The following CHRNB4 variants were observed in gnomAD, a reference collection of about 807,000 sequenced individuals.
CHRNB4 encodes neuronal acetylcholine receptor subunit beta-4.
Under a neutral mutation model 40.4 loss-of-function variants are expected in CHRNB4, and 23 were observed. The ratio of observed to expected loss-of-function variants is 0.57; its 90% CI spans 0.41 to 0.81. CHRNB4 has a LOEUF of 0.81. Ranked by LOEUF, CHRNB4 falls within the 30% of genes least tolerant of loss-of-function variation. The pLI is 0.00. For missense variants in CHRNB4, 568 were observed against 670.6 expected (o/e 0.85, Z 1.69); for synonymous variants, 285 against 274.4 (o/e 1.04, Z -0.38).
upstream of CHRNB4, chr15:78,661,086 G>A: frequency 1.7e-6 from 1 of 604,306 alleles, no homozygotes; most frequent in Non-Finnish European, 3.2e-6. Context: ...TGGCGCGCTT[G>A]AACTTCCGGC....
At chr15:78,640,704 G>A (rs1251210607) in intron 1 of CHRNB4, among the ~76,000 whole-genome samples, 2 of 152,204 alleles carry the variant, frequency 1.3e-5, no homozygotes, top group African/African-American at 2.4e-5. Flanking sequence ...AGGAGCCTCG[G>A]CCCTGTTGGG....
chr15:78,659,004 A>C (rs931108682), intron 1 of CHRNB4, among the ~76,000 whole-genome samples: 1 of 152,234 alleles, frequency 6.6e-6, no homozygotes, highest in African/African-American at 2.4e-5. Context: ...ATTCACATAC[A>C]TTAACTGAGC....
chr15:78,648,198 C>A (rs1427882151), intron 7 of CHRNB4, among the ~76,000 whole-genome samples: 2 of 151,604 alleles, frequency 1.3e-5, no homozygotes, highest in South Asian at 4.2e-4. Flanking sequence ...TCAAGACCAT[C>A]CTGGCTAACG....
intron 1 of CHRNB4, among the ~76,000 whole-genome samples, chr15:78,659,865 G>A (rs760706716): frequency 3.3e-5 from 5 of 152,312 alleles, no homozygotes; most frequent in Non-Finnish European, 7.4e-5. Context: ...AGAGTCTAGG[G>A]GTTCAATGTG....
In CHRNB4 at chr15:78,629,902, C is replaced by T. The variant is rs144048225; in HGVS notation, c.403G>A (p.Val135Ile). 56 of 1,609,690 alleles carry T rather than the reference C, an allele frequency of 3.5e-5. No homozygotes were observed. Among genetic ancestry groups the T allele is most frequent in the Non-Finnish European group, 4.6e-5 (54 of 1,179,154 alleles). Residue 135 changes from valine to isoleucine, a missense_variant, in exon 5 of 6, where the codon GTC becomes ATC. By Grantham distance (29) the Val-to-Ile change is conservative. Coordinates refer to ENST00000261751, the MANE Select transcript of CHRNB4 (RefSeq NM_000750.5). This position sits in a 1 kb window ranked among gnomAD's most constrained non-coding sequence, Gnocchi z 6.8. ...CACAGGACGCTGCCGTTGGACCGGA[C>T]TATCAAGTTGGTGTAGACAGACACC... ...YEVSVYTNLI[V>I]RSNGSVLWLP... is the part of the protein sequence containing the mutation.
At chr15:78,653,330 CCCTCCTT>C (rs1251494240) in intron 5 of CHRNB4, among the ~76,000 whole-genome samples, 4 of 152,162 alleles carry the variant, frequency 2.6e-5, no homozygotes, top group African/African-American at 9.7e-5. Context: ...ATCATCTCCT[CCCTCCTT>C]CCTGCTAATC....
chr15:78,631,952 G>A (rs888381728), intron 2 of CHRNB4, among the ~76,000 whole-genome samples: 1 of 151,926 alleles, frequency 6.6e-6, no homozygotes, highest in Admixed American at 6.6e-5. Context: ...TCAACACTCC[G>A]CCATTTGCTC....
chr15:78,661,371 C>T (rs753233216), upstream of CHRNB4: 8 of 533,528 alleles, frequency 1.5e-5, no homozygotes, highest in South Asian at 4.9e-5. Flanking sequence ...CCCAAGACCA[C>T]GGCCATTTTG....
rs774048154 is a variant in CHRNB4 at position 78,629,984 on chromosome 15, A to G, written c.360-39T>C. On this transcript the variant is annotated intron_variant, in intron 4 of 5. Coordinates refer to ENST00000261751, the MANE Select transcript of CHRNB4 (RefSeq NM_000750.5). This position sits in a 1 kb window ranked among gnomAD's most constrained non-coding sequence, Gnocchi z 6.8. The stretch of plus-strand genomic sequence containing the variant: ...GGGCATGGAGAACATCGTGAAACCC[A>G]TACACAAAACCTGGCCTGTTCTCAG... 3 of 1,512,924 alleles carry G rather than the reference A, an allele frequency of 2.0e-6. No individual in the cohort carries two copies. Among genetic ancestry groups the G allele is most frequent in the South Asian group, 1.3e-5 (1 of 75,996 alleles). 93.7% of individuals were successfully genotyped at this position (1,512,924 alleles called of 1,614,324 possible).
At chr15:78,659,327 A>C (rs2054235864) in intron 1 of CHRNB4, among the ~76,000 whole-genome samples, 1 of 152,114 alleles carries the variant, frequency 6.6e-6, no homozygotes, top group African/African-American at 2.4e-5. Context: ...CCAGCTACTC[A>C]GGAGGCTGAG....
chr15:78,638,628 CGGGGGGGT>C (rs1035134703), intron 1 of CHRNB4, among the ~76,000 whole-genome samples: 10 of 150,376 alleles, frequency 6.7e-5, no homozygotes, highest in African/African-American at 2.2e-4. Context: ...GCCGGGGGGC[CGGGGGGGT>C]GGTGCACTGA....
rs1399138813 is a variant in CHRNB4, at chr15:78,629,387, G to A, written c.918C>T (p.Val306=). Residue 306 remains valine (V), a synonymous_variant, in exon 5 of 6, where the codon GTC becomes GTT. Coordinates refer to ENST00000261751, the MANE Select transcript of CHRNB4 (RefSeq NM_000750.5). The surrounding 1 kb of genome is among the most constrained non-coding windows in gnomAD (Gnocchi z 6.8). ...GKYLMFTMVL[V]TFSIVTSVCV... The stretch of plus-strand genomic sequence containing the variant: ...AGACGCTGGTGACGATGGAGAAGGT[G>A]ACCAGCACCATGGTGAACATGAGGT... 3 of 1,614,026 alleles carry A rather than the reference G, an allele frequency of 1.9e-6. No homozygotes were observed. Among genetic ancestry groups the A allele is most frequent in the East Asian group, 2.2e-5 (1 of 44,890 alleles).
intron 2 of CHRNB4, chr15:78,658,131 A>G (rs2054229067): frequency 6.8e-6 from 1 of 147,926 alleles, no homozygotes; most frequent in Non-Finnish European, 1.5e-5. Context: ...CCTGGGTTCA[A>G]GATATTTTCC....
intron 2 of CHRNB4, among the ~76,000 whole-genome samples, chr15:78,631,588 A>C (rs2053812545): frequency 6.6e-6 from 1 of 152,204 alleles, no homozygotes; most frequent in Non-Finnish European, 1.5e-5. Context: ...CACAAGCCAG[A>C]AGCGTGGACA....
Position 78,631,140 on chromosome 15 carries a change from C to T in CHRNB4, c.295G>A (p.Gly99Ser). 6.2e-7 allele frequency: 1 copy of T among 1,614,206 alleles called. No homozygotes were observed. Residue 99 changes from glycine (G) to serine (S), a missense_variant, in exon 4 of 6, where the codon GGT (glycine) becomes AGT (serine). By Grantham distance (56) the Gly-to-Ser change is moderately conservative. This residue lies in a region of CHRNB4 where 161 missense variants were observed against 148.1 expected (regional missense o/e 1.09). Coordinates refer to ENST00000261751, the MANE Select transcript of CHRNB4 (RefSeq NM_000750.5). ...RLTWNSSRYEGVNILRIPAKR... is the reference protein window; with the variant it reads ...RLTWNSSRYESVNILRIPAKR... ...GCAGGGATCCTCAGGATGTTCACACCCTCGTAGCGGGAGCTGTTCCAGGTC... is the reference window on the plus strand; with the variant it reads ...GCAGGGATCCTCAGGATGTTCACACTCTCGTAGCGGGAGCTGTTCCAGGTC...
upstream of CHRNB4, chr15:78,660,757 C>T (rs2054245681): frequency 5.1e-6 from 1 of 197,342 alleles, no homozygotes. Context: ...CACTTTTCAG[C>T]TTTGCCCTGG....
intron 7 of CHRNB4, among the ~76,000 whole-genome samples, chr15:78,648,160 T>C (rs1445502669): frequency 1.3e-5 from 2 of 150,588 alleles, no homozygotes; most frequent in East Asian, 4.0e-4. Context: ...TTGGAAGGCC[T>C]AGGCGGGTGG....
chr15:78,626,905 G>A (rs897010192), intron 5 of CHRNB4: 4 of 152,316 alleles, frequency 2.6e-5, no homozygotes, highest in Admixed American at 2.0e-4. Context: ...GCACGTGAGT[G>A]CCAAGGGGGT....
chr15:78,647,321 T>C (rs1266992592), intron 7 of CHRNB4, among the ~76,000 whole-genome samples: 2 of 151,596 alleles, frequency 1.3e-5, no homozygotes, highest in Admixed American at 6.6e-5. Context: ...ATTTAAGGAA[T>C]TATATATATA....
Sources: allele counts gnomAD v4.1 joint callset (sites outside exome capture counted in the v4.1 genomes callset), GRCh38; gene constraint gnomAD v4.1.1; regional missense constraint gnomAD v4.1.1; non-coding constraint Gnocchi (gnomAD v3.1); transcripts MANE v1.5; gene names NCBI Gene and HGNC (gene_info 2026-07-23, HGNC 2026-07-21).